The following TMEM135 variants were observed in gnomAD, a reference collection of about 807,000 sequenced individuals.
TMEM135 encodes peroxisomal membrane protein 52.
A neutral mutation model predicts 60.3 loss-of-function variants in TMEM135; 30 were observed. The observed-to-expected ratio is 0.50, with a 90% CI of 0.37 to 0.68. TMEM135 has a LOEUF of 0.68. TMEM135 is among the 30% of genes least tolerant of loss of function. TMEM135 has a pLI of 0.00. For synonymous variants in TMEM135, 190 were observed against 186.7 expected (o/e 1.02, Z -0.14); for missense variants, 468 against 548.8 (o/e 0.85, Z 1.47).
At chr11:87,234,838 T>C (rs929716663) in intron 5 of TMEM135, among the ~76,000 whole-genome samples, 17 of 152,016 alleles carry the variant, frequency 1.1e-4, no homozygotes, top group African/African-American at 4.1e-4. Context: ...ATCAGTTTAG[T>C]ACGAACACAG....
At chr11:87,294,227 G>A (rs142778417) in intron 6 of TMEM135, among the ~76,000 whole-genome samples, 29 of 151,950 alleles carry the variant, frequency 1.9e-4, no homozygotes, top group African/African-American at 6.5e-4. Context: ...AACATCTCTG[G>A]GCATGTGGAT....
At chr11:87,098,657 G>T (rs960670052) in intron 4 of TMEM135, among the ~76,000 whole-genome samples, 15 of 151,890 alleles carry the variant, frequency 9.9e-5, no homozygotes, top group African/African-American at 2.4e-4. Context: ...CTTGGTTATA[G>T]ATTATTTATA....
At chr11:87,214,737 A>G (rs1405493108) in intron 5 of TMEM135, among the ~76,000 whole-genome samples, 6 of 152,142 alleles carry the variant, frequency 3.9e-5, no homozygotes, top group Non-Finnish European at 2.9e-5. Flanking sequence ...AACTGAAGCT[A>G]TGGTTGACTT....
At chr11:87,120,110 C>CTT (rs770897413) in intron 4 of TMEM135, among the ~76,000 whole-genome samples, 4,302 of 130,114 alleles carry the variant, frequency 0.033, 215 homozygotes, top group South Asian at 0.098. Flanking sequence ...TTTTTTTCTT[C>CTT]TTCTTCTTTT....
chr11:87,254,092 A>G (rs1591142993), intron 6 of TMEM135, among the ~76,000 whole-genome samples: 1 of 152,310 alleles, frequency 6.6e-6, no homozygotes, highest in East Asian at 1.9e-4. Context: ...CATAGGTAAA[A>G]GAAATAATTA....
chr11:87,277,332 T>C, intron 6 of TMEM135: 1 of 362,122 alleles, frequency 2.8e-6, no homozygotes, highest in Non-Finnish European at 5.5e-6. Flanking sequence ...GGTTTCACCA[T>C]GTTAGCCAGG....
chr11:87,158,001 C>G (rs1938748677), intron 5 of TMEM135: 1 of 152,924 alleles, frequency 6.5e-6, no homozygotes, highest in African/African-American at 2.4e-5. Context: ...TTCTCCTTTA[C>G]TAAGACAAAT....
chr11:87,070,047 C>T (rs745984205), intron 2 of TMEM135, among the ~76,000 whole-genome samples: 4 of 151,808 alleles, frequency 2.6e-5, no homozygotes, highest in Non-Finnish European at 5.9e-5. Flanking sequence ...GTAGTGTGCC[C>T]GTAGTCCCAG....
intron 3 of TMEM135, among the ~76,000 whole-genome samples, chr11:87,087,507 A>G (rs1404054279): frequency 6.6e-6 from 1 of 152,140 alleles, no homozygotes; most frequent in Admixed American, 6.5e-5. Context: ...AAAACAACTA[A>G]TGAGGTGAGA....
At chr11:87,157,689 T>C (rs1776010898) in intron 5 of TMEM135, 1 of 302,466 alleles carries the variant, frequency 3.3e-6, no homozygotes. Context: ...ATGTTTGTAA[T>C]GAAAAAAAGA....
At chr11:87,166,264 G>C (rs1316117265) in intron 5 of TMEM135, among the ~76,000 whole-genome samples, 1 of 151,496 alleles carries the variant, frequency 6.6e-6, no homozygotes, top group African/African-American at 2.4e-5. Context: ...TTGCCTGTTT[G>C]CTCTGATGAT....
rs1438655329 is a variant in TMEM135 at position 87,322,462 on chromosome 11, G to A, written c.*1129G>A. 1 of 453,860 alleles carries A rather than the reference G, an allele frequency of 2.2e-6. No individual in the cohort carries two copies. Among genetic ancestry groups the A allele is most frequent in the South Asian group, 1.6e-5 (1 of 64,470 alleles). 28.1% of individuals were successfully genotyped at this position (453,860 alleles called of 1,614,324 possible). ...GACACCATAAAGTCCTGCTGATAAT[G>A]AGAGTAGTTCAGGACAGCTGTGATT... On this transcript the variant is annotated 3_prime_UTR_variant, in exon 15 of 15. Transcript: ENST00000305494.
intron 6 of TMEM135, 147 bp from the exon 7 acceptor site, chr11:87,295,635 T>C (rs1202757899): frequency 8.1e-6 from 5 of 615,488 alleles, no homozygotes; most frequent in Non-Finnish European, 1.4e-5. Flanking sequence ...CTTACTTCAT[T>C]GCTTGTTGCT....
chr11:87,099,682 G>GCTTT (rs1857409100), intron 4 of TMEM135, among the ~76,000 whole-genome samples: 1 of 109,386 alleles, frequency 9.1e-6, no homozygotes, highest in Non-Finnish European at 1.8e-5. Flanking sequence ...TTTCATGGTG[G>GCTTT]TTTTTTTTTT....
chr11:87,161,820 A>G (rs1411721799), intron 5 of TMEM135, among the ~76,000 whole-genome samples: 1 of 152,210 alleles, frequency 6.6e-6, no homozygotes, highest in Non-Finnish European at 1.5e-5. Context: ...TGTGTTTAGC[A>G]TTATATTTGG....
intron 11 of TMEM135, 36 bp from the exon 12 acceptor site, chr11:87,314,434 TG>T (rs768754429): frequency 2.0e-6 from 3 of 1,520,084 alleles, no homozygotes; most frequent in African/African-American, 1.4e-5. Context: ...ATAAATACTC[TG>T]CGATCTTATC....
intron 4 of TMEM135, among the ~76,000 whole-genome samples, chr11:87,143,257 T>C (rs905892905): frequency 2.0e-5 from 3 of 152,166 alleles, no homozygotes; most frequent in African/African-American, 7.2e-5. Context: ...TGTTTTCTTA[T>C]AACTTTTGAG....
chr11:87,181,237 G>T (rs1414789197), intron 5 of TMEM135, among the ~76,000 whole-genome samples: 1 of 152,034 alleles, frequency 6.6e-6, no homozygotes, highest in Non-Finnish European at 1.5e-5. Context: ...ACAGAAAAAA[G>T]ATTAAGTGAA....
chr11:87,261,519 A>G (rs1237837814), intron 6 of TMEM135, among the ~76,000 whole-genome samples: 1 of 152,216 alleles, frequency 6.6e-6, no homozygotes, highest in African/African-American at 2.4e-5. Flanking sequence ...AATTCAAACA[A>G]TGCAAAAGTA....
Sources: allele counts gnomAD v4.1 joint callset (sites outside exome capture counted in the v4.1 genomes callset), GRCh38; gene constraint gnomAD v4.1.1; transcripts MANE v1.5; gene names NCBI Gene and HGNC (gene_info 2026-07-23, HGNC 2026-07-21).